Variants in MALRD1 observed in about 807,000 individuals in gnomAD.
MALRD1 encodes MAM and LDL receptor class A domain containing 1.
Under a neutral mutation model 242.1 loss-of-function variants are expected in MALRD1, and 247 were observed. The ratio of observed to expected loss-of-function variants is 1.02; its 90% CI spans 0.92 to 1.13. The LOEUF (loss-of-function observed/expected upper bound fraction) is 1.13, where lower values mean the gene tolerates loss of function less well. Ranked by LOEUF, MALRD1 falls within the 50% of genes most tolerant of loss-of-function variation. MALRD1 has a pLI of 0.00. For synonymous variants in MALRD1, 995 were observed against 866.6 expected (o/e 1.15, Z -2.60); for missense variants, 2,989 against 2,533.1 (o/e 1.18, Z -3.86).
At chr10:19,550,879 G>A (rs1835443085) in intron 32 of MALRD1, among the ~76,000 whole-genome samples, 1 of 152,134 alleles carries the variant, frequency 6.6e-6, no homozygotes, top group African/African-American at 2.4e-5. Context: ...GGGATTGCTG[G>A]TTAAAATGCT....
intron 21 of MALRD1, among the ~76,000 whole-genome samples, chr10:19,312,737 C>G (rs1413904698): frequency 6.6e-6 from 1 of 151,318 alleles, no homozygotes; most frequent in Non-Finnish European, 1.5e-5. Flanking sequence ...CCTATAGACT[C>G]TTAGGCTGTA....
intron 29 of MALRD1, among the ~76,000 whole-genome samples, chr10:19,462,947 A>C (rs968040835): frequency 6.6e-6 from 1 of 152,150 alleles, no homozygotes; most frequent in South Asian, 2.1e-4. Flanking sequence ...GGTGTCTTTT[A>C]AAATTGTTTT....
chr10:19,334,582 C>T (rs1211603443), intron 24 of MALRD1, among the ~76,000 whole-genome samples: 1 of 151,952 alleles, frequency 6.6e-6, no homozygotes, highest in African/African-American at 2.4e-5. Context: ...TTATTCTTTA[C>T]AGTTATAGAT....
chr10:19,231,899 A>T (rs1323588986), intron 18 of MALRD1, among the ~76,000 whole-genome samples: 2 of 152,164 alleles, frequency 1.3e-5, no homozygotes, highest in African/African-American at 4.8e-5. Context: ...TTAAAACAAA[A>T]TAATTAAGCA....
At chr10:19,252,995 A>G (rs1404438840) in intron 18 of MALRD1, among the ~76,000 whole-genome samples, 4 of 152,004 alleles carry the variant, frequency 2.6e-5, no homozygotes, top group Non-Finnish European at 5.9e-5. Context: ...AAAAGCTCCC[A>G]AGAATTGTAG....
At chr10:19,449,237 C>T (rs144021857) in intron 28 of MALRD1, among the ~76,000 whole-genome samples, 38 of 152,226 alleles carry the variant, frequency 2.5e-4, no homozygotes, top group Admixed American at 1.7e-3. Context: ...AGTGCAGTGG[C>T]GCGATCTCAG....
chr10:19,730,659 G>A (rs958031379), intron 38 of MALRD1, 47 bp from the exon 39 acceptor site: 57 of 1,507,460 alleles, frequency 3.8e-5, no homozygotes, highest in Non-Finnish European at 5.0e-5. Flanking sequence ...ATGTACTATG[G>A]TAAATGTCAA....
At chr10:19,575,520 C>T (rs2131488309) in intron 33 of MALRD1, among the ~76,000 whole-genome samples, 1 of 151,926 alleles carries the variant, frequency 6.6e-6, no homozygotes, top group Non-Finnish European at 1.5e-5. Flanking sequence ...CACAAACACA[C>T]ACTTACTCAG....
intron 31 of MALRD1, among the ~76,000 whole-genome samples, chr10:19,518,535 T>C (rs1259364800): frequency 6.6e-6 from 1 of 152,230 alleles, no homozygotes; most frequent in African/African-American, 2.4e-5. Context: ...GTATTTATGA[T>C]AGTGTGATAA....
intron 32 of MALRD1, among the ~76,000 whole-genome samples, chr10:19,559,570 A>C (rs1226753396): frequency 6.6e-6 from 1 of 151,892 alleles, no homozygotes; most frequent in African/African-American, 2.4e-5. Context: ...TCGTGTGTGA[A>C]TCCACCTGGT....
At chr10:19,508,988 A>G (rs924940190) in intron 31 of MALRD1, among the ~76,000 whole-genome samples, 1 of 152,212 alleles carries the variant, frequency 6.6e-6, no homozygotes, top group African/African-American at 2.4e-5. Flanking sequence ...GGTCTATTTG[A>G]CATCCAATCC....
chr10:19,376,693 T>A (rs1199131435), intron 26 of MALRD1, among the ~76,000 whole-genome samples: 1 of 151,780 alleles, frequency 6.6e-6, no homozygotes, highest in Non-Finnish European at 1.5e-5. Flanking sequence ...GTAGCTGAGA[T>A]TACAGGTGCC....
intron 38 of MALRD1, among the ~76,000 whole-genome samples, chr10:19,713,999 T>A (rs1199401583): frequency 6.6e-6 from 1 of 152,042 alleles, no homozygotes; most frequent in Non-Finnish European, 1.5e-5. Flanking sequence ...GTTGTGGGGA[T>A]CCGACCCCAT....
intron 2 of MALRD1, among the ~76,000 whole-genome samples, chr10:19,075,224 G>T (rs969792243): frequency 6.6e-6 from 1 of 152,062 alleles, no homozygotes; most frequent in South Asian, 2.1e-4. Context: ...GTGGCAGGCA[G>T]ATGATAAAAT....
intron 12 of MALRD1, among the ~76,000 whole-genome samples, chr10:19,160,926 T>C (rs1299050961): frequency 6.0e-5 from 9 of 149,704 alleles, no homozygotes; most frequent in Non-Finnish European, 1.3e-4. Flanking sequence ...CCTGGATTCA[T>C]TGATTTTTTG....
intron 33 of MALRD1, among the ~76,000 whole-genome samples, chr10:19,584,697 T>G (rs2131521440): frequency 6.6e-6 from 1 of 152,038 alleles, no homozygotes; most frequent in East Asian, 1.9e-4. Context: ...AAAATGTATA[T>G]TCTGTTGATT....
At chr10:19,111,220 G>A (rs1459439243) in intron 5 of MALRD1, among the ~76,000 whole-genome samples, 1 of 152,088 alleles carries the variant, frequency 6.6e-6, no homozygotes, top group African/African-American at 2.4e-5. Context: ...CACTACAGAA[G>A]TACAAAAGCA....
intron 31 of MALRD1, among the ~76,000 whole-genome samples, chr10:19,503,275 A>T (rs897374841): frequency 4.6e-5 from 7 of 152,208 alleles, no homozygotes; most frequent in Non-Finnish European, 1.0e-4. Flanking sequence ...GGAAAAACAA[A>T]ATTCTTTATG....
At chr10:19,560,467 T>A (rs1027497538) in intron 32 of MALRD1, among the ~76,000 whole-genome samples, 1 of 152,004 alleles carries the variant, frequency 6.6e-6, no homozygotes, top group African/African-American at 2.4e-5. Flanking sequence ...AGACTCCATC[T>A]GAAAAAATAA....
Sources: allele counts gnomAD v4.1 joint callset (sites outside exome capture counted in the v4.1 genomes callset), GRCh38; gene constraint gnomAD v4.1.1; transcripts MANE v1.5; gene names NCBI Gene and HGNC (gene_info 2026-07-23, HGNC 2026-07-21).